CNTN5: variants seen among roughly 807,000 people sequenced by gnomAD.
CNTN5 encodes the protein contactin 5.
In CNTN5, 77 loss-of-function variants were observed where a neutral mutation model predicts 129.1. The observed-to-expected ratio is 0.60, with a 90% CI of 0.50 to 0.72. The LOEUF (loss-of-function observed/expected upper bound fraction) is 0.72. Among genes scored for constraint, CNTN5 ranks in the 30% least tolerant of loss-of-function variants. The pLI, the probability that CNTN5 is intolerant of heterozygous loss-of-function variation, is 0.00. For synonymous variants in CNTN5, 509 were observed against 465.6 expected, an observed-to-expected ratio of 1.09 and a Z score of -1.20; for missense variants, 1,478 against 1,328.8, an observed-to-expected ratio of 1.11 and a Z score of -1.75.
intron 2 of CNTN5, among the ~76,000 whole-genome samples, chr11:99,515,888 A>G (rs7933124): frequency 0.066 from 9,953 of 151,858 alleles, 357 homozygotes; most frequent in African/African-American, 0.097. Flanking sequence ...GCTTTAAAAG[A>G]TATATTTTAA....
intron 3 of CNTN5, among the ~76,000 whole-genome samples, chr11:99,634,488 G>T (rs1354739511): frequency 1.3e-5 from 2 of 152,130 alleles, no homozygotes; most frequent in African/African-American, 4.8e-5. Context: ...GGTGTCTGAA[G>T]GTTGTTTCTA....
At chr11:99,612,225 C>G (rs1591360203) in intron 3 of CNTN5, among the ~76,000 whole-genome samples, 1 of 152,132 alleles carries the variant, frequency 6.6e-6, no homozygotes, top group African/African-American at 2.4e-5. Flanking sequence ...ATTGCAAAGT[C>G]TGACCAGGTT....
At chr11:99,784,453 C>A (rs1438478993) in intron 3 of CNTN5, among the ~76,000 whole-genome samples, 1 of 151,834 alleles carries the variant, frequency 6.6e-6, no homozygotes, top group African/African-American at 2.4e-5. Context: ...CCATCTTCAT[C>A]CATGTCCCTG....
chr11:100,282,233 C>T (rs558027127), intron 18 of CNTN5, among the ~76,000 whole-genome samples: 17 of 152,096 alleles, frequency 1.1e-4, no homozygotes, highest in Non-Finnish European at 2.5e-4. Context: ...ACCTGCCTTT[C>T]GTGGGCAGGC....
At chr11:100,034,415 T>C (rs1941874344) in intron 9 of CNTN5, among the ~76,000 whole-genome samples, 1 of 152,210 alleles carries the variant, frequency 6.6e-6, no homozygotes, top group Non-Finnish European at 1.5e-5. Flanking sequence ...TTCTATATCT[T>C]AAATATCTTA....
chr11:100,247,468 A>T (rs1168774716), intron 16 of CNTN5, among the ~76,000 whole-genome samples: 1 of 152,184 alleles, frequency 6.6e-6, no homozygotes, highest in Non-Finnish European at 1.5e-5. Flanking sequence ...AGATTAGATT[A>T]GTAAATAGCA....
intron 1 of CNTN5, among the ~76,000 whole-genome samples, chr11:99,242,494 T>A (rs1861610879): frequency 6.6e-6 from 1 of 152,084 alleles, no homozygotes; most frequent in African/African-American, 2.4e-5. Flanking sequence ...TTCTTTCAAC[T>A]TTTATTTTAT....
chr11:99,422,322 C>A (rs908845634), intron 2 of CNTN5, among the ~76,000 whole-genome samples: 3 of 151,506 alleles, frequency 2.0e-5, no homozygotes, highest in South Asian at 4.2e-4. Context: ...TGATTAGTAT[C>A]ATTACACATT....
chr11:100,281,234 CT>C (rs1275692193), intron 18 of CNTN5, among the ~76,000 whole-genome samples: 3 of 152,012 alleles, frequency 2.0e-5, no homozygotes, highest in Non-Finnish European at 4.4e-5. Context: ...CCTTTTCTTT[CT>C]GATTGAAGTA....
At chr11:99,567,150 T>C (rs544172101) in intron 3 of CNTN5, among the ~76,000 whole-genome samples, 1 of 152,282 alleles carries the variant, frequency 6.6e-6, no homozygotes, top group South Asian at 2.1e-4. Flanking sequence ...CTATAGGTGT[T>C]ACCTAGTAGG....
At chr11:99,647,943 T>G (rs2135868815) in intron 3 of CNTN5, among the ~76,000 whole-genome samples, 1 of 152,002 alleles carries the variant, frequency 6.6e-6, no homozygotes, top group South Asian at 2.1e-4. Context: ...GGTTTTTAGG[T>G]TTTTCTATAT....
chr11:99,088,084 G>A (rs1201528981), intron 1 of CNTN5, among the ~76,000 whole-genome samples: 1 of 152,146 alleles, frequency 6.6e-6, no homozygotes, highest in Non-Finnish European at 1.5e-5. Flanking sequence ...CAGATGTTAA[G>A]GGAATATTAA....
chr11:99,586,319 T>TGACATAACTCAGCATAATAACG (rs750592518), intron 3 of CNTN5, among the ~76,000 whole-genome samples: 32 of 152,272 alleles, frequency 2.1e-4, no homozygotes, highest in African/African-American at 7.7e-4. Context: ...GCATAATAAC[T>TGACATAACTCAGCATAATAACG]GACATAACTC....
chr11:100,086,738 C>T (rs1944572467), intron 13 of CNTN5, among the ~76,000 whole-genome samples: 1 of 151,322 alleles, frequency 6.6e-6, no homozygotes, highest in Non-Finnish European at 1.5e-5. Flanking sequence ...AAAAATGAAT[C>T]ATATAATATT....
At chr11:100,077,891 A>T (rs1944203222) in intron 13 of CNTN5, among the ~76,000 whole-genome samples, 1 of 152,074 alleles carries the variant, frequency 6.6e-6, no homozygotes, top group Admixed American at 6.6e-5. Flanking sequence ...AAAATACGTC[A>T]ATTGCTTTCA....
rs180864442 is a variant in CNTN5 at position 100,309,265 on chromosome 11, T to C, written c.2730+797T>C. 17 of 984,156 alleles carry C rather than the reference T, an allele frequency of 1.7e-5. No individual in the cohort carries two copies. The African/African-American group carries it at 2.8e-4, about 16-fold the overall frequency. The allele number at this position is 984,156 out of a possible 1,614,324, so 61.0% of individuals were successfully genotyped here. On this transcript the variant is annotated intron_variant, in intron 21 of 24. Transcript: ENST00000524871. The stretch of plus-strand genomic sequence containing the variant: ...TTCAGTTCCCATTAAGAGAAAATCA[T>C]CTTGTGTCTTGAACAATGATCAAGT...
At chr11:100,029,160 A>AG (rs1003618228) in intron 9 of CNTN5, among the ~76,000 whole-genome samples, 2 of 152,138 alleles carry the variant, frequency 1.3e-5, no homozygotes, top group Admixed American at 1.3e-4. Flanking sequence ...ATAGAAAAAA[A>AG]AAAATGACAA....
chr11:100,028,323 A>C (rs1941532053), intron 9 of CNTN5, among the ~76,000 whole-genome samples: 1 of 152,186 alleles, frequency 6.6e-6, no homozygotes, highest in African/African-American at 2.4e-5. Context: ...TTCAAATATC[A>C]GTTCAATTAT....
intron 13 of CNTN5, among the ~76,000 whole-genome samples, chr11:100,142,804 A>G (rs1946736050): frequency 1.3e-5 from 2 of 152,150 alleles, no homozygotes; most frequent in South Asian, 4.1e-4. Flanking sequence ...AGTTCAGGAA[A>G]GTGATTACAT....
Sources: gnomAD v4.1 joint callset for allele counts (sites outside exome capture counted in the v4.1 genomes callset) on GRCh38, gnomAD v4.1.1 for gene constraint, MANE v1.5 for transcripts, NCBI Gene and HGNC (gene_info 2026-07-23, HGNC 2026-07-21) for gene names.